RBFOX1: variants seen among roughly 807,000 people sequenced by gnomAD.
RBFOX1 encodes RNA binding protein fox-1 homolog 1.
In RBFOX1, 8 loss-of-function variants were observed where a neutral mutation model predicts 57.7. The observed-to-expected ratio is 0.14, with a 90% confidence interval of 0.08 to 0.25. The LOEUF (loss-of-function observed/expected upper bound fraction) is 0.25. Ranked by LOEUF, RBFOX1 falls within the 10% of genes least tolerant of loss-of-function variation. The probability of loss-of-function intolerance (pLI) is 1.00; values close to 1 mark genes in which losing one functional copy is unlikely to be tolerated. For synonymous variants in RBFOX1, 326 were observed against 222.4 expected (o/e 1.47, Z -4.15); for missense variants, 611 against 548.5 (o/e 1.11, Z -1.14).
intron 3 of RBFOX1, among the ~76,000 whole-genome samples, chr16:6,747,634 T>C (rs941222152): frequency 6.6e-6 from 1 of 152,128 alleles, no homozygotes; most frequent in Non-Finnish European, 1.5e-5. Context: ...GTCTCTTGTA[T>C]AAAAAGTAAA....
At chr16:6,790,529 G>T (rs1164142396) in intron 3 of RBFOX1, among the ~76,000 whole-genome samples, 1 of 152,130 alleles carries the variant, frequency 6.6e-6, no homozygotes, top group African/African-American at 2.4e-5. Context: ...AGTTTGCAAA[G>T]TGTGGTTCTC....
intron 4 of RBFOX1, among the ~76,000 whole-genome samples, chr16:5,950,803 A>G (rs1305311263): frequency 1.3e-5 from 2 of 152,034 alleles, no homozygotes; most frequent in African/African-American, 4.8e-5. Context: ...AGGATACCTG[A>G]GTTCAAGGGA....
chr16:7,567,872 T>C (rs980103243), intron 5 of RBFOX1, among the ~76,000 whole-genome samples: 3 of 100,736 alleles, frequency 3.0e-5, no homozygotes, highest in African/African-American at 4.0e-5. Context: ...TATACCTCTC[T>C]ATATATGCAT....
intron 3 of RBFOX1, among the ~76,000 whole-genome samples, chr16:5,715,629 G>A (rs537896425): frequency 1.3e-5 from 2 of 152,234 alleles, no homozygotes; most frequent in East Asian, 1.9e-4. Flanking sequence ...AATAATCTCC[G>A]TGCTGTCTCT....
At chr16:6,418,058 G>C (rs904434294) in intron 2 of RBFOX1, among the ~76,000 whole-genome samples, 2 of 152,198 alleles carry the variant, frequency 1.3e-5, no homozygotes, top group Non-Finnish European at 2.9e-5. Context: ...ACTGAACCCA[G>C]AGGGTTCCCT....
chr16:6,464,752 A>G (rs924854011), intron 2 of RBFOX1, among the ~76,000 whole-genome samples: 29 of 152,336 alleles, frequency 1.9e-4, no homozygotes, highest in African/African-American at 7.0e-4. Context: ...TATGCAAAAC[A>G]TTTAATTACT....
intron 3 of RBFOX1, among the ~76,000 whole-genome samples, chr16:5,640,797 CACAT>C (rs1321426409): frequency 6.7e-6 from 1 of 148,848 alleles, no homozygotes; most frequent in East Asian, 2.0e-4. Flanking sequence ...TGCATACACA[CACAT>C]ATACACATGC....
At chr16:5,801,302 T>C (rs2055046612) in intron 3 of RBFOX1, among the ~76,000 whole-genome samples, 1 of 150,360 alleles carries the variant, frequency 6.7e-6, no homozygotes, top group Admixed American at 6.8e-5. Flanking sequence ...ATTATGCAGA[T>C]TTTAAAGTCT....
rs140626526 is a variant in RBFOX1, at chr16:6,535,979, G to A, written c.-63-118624G>A. ...GATGCCTCTTTAGTTTCTATCCAACGACTTCATATATATCTATCTCTAGGC... is the reference window on the plus strand; with the variant it reads ...GATGCCTCTTTAGTTTCTATCCAACAACTTCATATATATCTATCTCTAGGC... On this transcript the variant is annotated intron_variant, in intron 2 of 15. Coordinates refer to ENST00000550418, the MANE Select transcript of RBFOX1 (RefSeq NM_018723.4). Among the ~76,000 whole-genome samples, 379 of 152,214 alleles carry A rather than the reference G, an allele frequency of 2.5e-3. 1 individual carries two copies. The highest frequency in any genetic ancestry group is 6.8e-3 in the Middle Eastern group (2 of 294).
intron 3 of RBFOX1, among the ~76,000 whole-genome samples, chr16:6,806,836 A>ATATATATATT (rs754342591): frequency 8.7e-5 from 8 of 91,902 alleles, no homozygotes; most frequent in African/African-American, 2.0e-4. Context: ...ATATATATAT[A>ATATATATATT]TTTTTTTTTT....
chr16:6,736,072 T>G (rs2070206217), intron 3 of RBFOX1, among the ~76,000 whole-genome samples: 1 of 11,934 alleles, frequency 8.4e-5, no homozygotes, highest in African/African-American at 3.4e-4. Context: ...CTATCCAGTA[T>G]TACACAATTT....
chr16:7,303,730 C>G (rs1184257786), intron 4 of RBFOX1, among the ~76,000 whole-genome samples: 1 of 151,820 alleles, frequency 6.6e-6, no homozygotes, highest in Admixed American at 6.6e-5. Flanking sequence ...TCCTCTCTTT[C>G]AATCTCTCTC....
chr16:6,491,015 G>T (rs1297450524), intron 2 of RBFOX1, among the ~76,000 whole-genome samples: 1 of 152,054 alleles, frequency 6.6e-6, no homozygotes, highest in Non-Finnish European at 1.5e-5. Flanking sequence ...GAAAATAAAT[G>T]AGATGAACCC....
intron 2 of RBFOX1, among the ~76,000 whole-genome samples, chr16:5,496,291 T>C (rs1227310063): frequency 6.6e-6 from 1 of 152,198 alleles, no homozygotes. Context: ...CTTCTCACGC[T>C]GGTGTCAAGA....
At chr16:7,361,264 C>G (rs183171415) in intron 4 of RBFOX1, among the ~76,000 whole-genome samples, 5 of 152,206 alleles carry the variant, frequency 3.3e-5, no homozygotes, top group African/African-American at 4.8e-5. Context: ...ACTTTGTAGC[C>G]ATTCCGTCTC....
At chr16:7,321,311 AT>A (rs1265974047) in intron 4 of RBFOX1, among the ~76,000 whole-genome samples, 2 of 151,830 alleles carry the variant, frequency 1.3e-5, no homozygotes, top group African/African-American at 4.8e-5. Context: ...TACCCGGCTA[AT>A]TTTTTGTGTT....
intron 3 of RBFOX1, among the ~76,000 whole-genome samples, chr16:5,615,693 G>T (rs1471618602): frequency 6.6e-6 from 1 of 152,214 alleles, no homozygotes; most frequent in Non-Finnish European, 1.5e-5. Flanking sequence ...TATGTGTCAA[G>T]AAGGGGGCAG....
intron 3 of RBFOX1, among the ~76,000 whole-genome samples, chr16:5,845,156 C>G (rs1336806915): frequency 3.3e-5 from 5 of 150,552 alleles, no homozygotes; most frequent in African/African-American, 1.2e-4. Context: ...AATGATGAAG[C>G]AGGGTAACAG....
chr16:6,496,644 G>A (rs1207310524), intron 2 of RBFOX1, among the ~76,000 whole-genome samples: 1 of 152,122 alleles, frequency 6.6e-6, no homozygotes. Context: ...ATGCTCTTGG[G>A]GAAACACATC....
Sources: allele counts gnomAD v4.1 joint callset (sites outside exome capture counted in the v4.1 genomes callset), GRCh38; gene constraint gnomAD v4.1.1; transcripts MANE v1.5; gene names NCBI Gene and HGNC (gene_info 2026-07-23, HGNC 2026-07-21).